Variants in TMEM106C observed in about 807,000 individuals in gnomAD.
TMEM106C encodes the protein endoplasmic reticulum membrane protein overexpressed in cancer.
Under a neutral mutation model 30.8 loss-of-function variants are expected in TMEM106C, and 27 were observed. The ratio of observed to expected loss-of-function variants is 0.88; its 90% confidence interval spans 0.65 to 1.21. TMEM106C has a LOEUF of 1.21. TMEM106C is among the 50% of genes most tolerant of loss of function. The pLI, the probability that TMEM106C is intolerant of heterozygous loss-of-function variation, is 0.00. For synonymous variants in TMEM106C, 123 were observed against 118.8 expected, an observed-to-expected ratio of 1.04 and a Z score of -0.23; for missense variants, 288 against 307.8, an observed-to-expected ratio of 0.94 and a Z score of 0.48.
chr12:47,966,443 A>G, intron 5 of TMEM106C: 1 of 704,888 alleles, frequency 1.4e-6, no homozygotes, highest in Non-Finnish European at 2.3e-6. Context: ...AATTTGTAAG[A>G]GACAAAGATT....
In TMEM106C at chr12:47,968,548, G is replaced by A. The variant is rs1365778342; in HGVS notation, c.*319G>A. ...AATGGAAATCATAACGTGGTTCTAG[G>A]TTATCAAACCATGGAGTGATGTGGA... On this transcript the variant is annotated 3_prime_UTR_variant, in exon 8 of 8. Coordinates refer to ENST00000429772, the MANE Select transcript of TMEM106C (RefSeq NM_001143842.2). 1 of 381,664 alleles carries A rather than the reference G, an allele frequency of 2.6e-6. No homozygotes were observed. The highest frequency in any genetic ancestry group is 5.1e-6 in the Non-Finnish European group (1 of 196,654). 23.6% of individuals were successfully genotyped at this position (381,664 alleles called of 1,614,324 possible). A position where few individuals can be genotyped will look rare whatever the true frequency, so the allele number is the denominator to read the frequency against.
Position 47,964,240 on chromosome 12 carries a change from G to A in TMEM106C, c.4G>A (p.Gly2Arg), listed in dbSNP as rs139679445. 5.0e-5 allele frequency: 81 copies of A among 1,612,466 alleles called. No individual in the cohort carries two copies. Among genetic ancestry groups the A allele is most frequent in the Non-Finnish European group, 6.7e-5 (79 of 1,179,216 alleles). Residue 2 changes from glycine to arginine, a missense_variant, in exon 2 of 8, where the codon GGG (glycine) becomes AGG (arginine). Transcript: ENST00000429772. Reference protein sequence around the residue: MGSQHSAAARPS... With the variant: MRSQHSAAARPS... Reference sequence around the variant, plus strand: ...ACACCAGTGGCATATCACGGCCATGGGGTCTCAGCATTCCGCTGCTGCTCG... The same window carrying A: ...ACACCAGTGGCATATCACGGCCATGAGGTCTCAGCATTCCGCTGCTGCTCG...
rs763866441 is a variant in TMEM106C at position 47,964,494 on chromosome 12, A to G, written c.187+71A>G. On this transcript the variant is annotated intron_variant, in intron 2 of 7. Coordinates refer to ENST00000429772, the MANE Select transcript of TMEM106C (RefSeq NM_001143842.2). ...TCGGAGTTCTCCTGTCTGCCCAGAC[A>G]ACTTTTCTTCTAGGCAGTAATACCA... is the stretch of plus-strand genomic sequence containing the variant. 5 of 1,506,066 alleles carry G rather than the reference A, an allele frequency of 3.3e-6. No homozygotes were observed. The East Asian group carries it at 6.9e-5, about 21-fold the overall frequency. The allele number at this position is 1,506,066 out of a possible 1,614,324, so 93.3% of individuals were successfully genotyped here. A position where few individuals can be genotyped will look rare whatever the true frequency, so the allele number is the denominator to read the frequency against.
Position 47,968,225 on chromosome 12 carries a change from T to C in TMEM106C, c.749T>C (p.Ile250Thr). ...YVDCGGNSTA[I>T] ...GATTGTGGAGGAAATTCCACAGCTA[T>C]TTAACAACTGCTATTGGTTCTTCCA... is the stretch of plus-strand genomic sequence containing the variant. The change falls in exon 8 of 8, where the codon ATT (isoleucine) becomes ACT (threonine). Residue 250 changes from isoleucine (I) to threonine (T), a missense_variant. Transcript: ENST00000429772. The C allele has an allele frequency of 6.2e-7, 1 of 1,610,906 alleles. No homozygotes were observed. The highest frequency in any genetic ancestry group is 8.5e-7 in the Non-Finnish European group (1 of 1,177,240).
intron 1 of TMEM106C, chr12:47,963,953 G>A: frequency 2.0e-6 from 1 of 488,200 alleles, no homozygotes; most frequent in Non-Finnish European, 3.7e-6. Flanking sequence ...GTCCCAGGGC[G>A]GTGAGGATCG....
Position 47,965,934 on chromosome 12 carries a change from C to T in TMEM106C, c.348C>T (p.Asp116=), listed in dbSNP as rs762050604. The part of the protein sequence containing the change: ...LFPHSVLVDD[D]GIKVVKVTFN... ...CGCATTCAGTCCTTGTGGATGATGACGGCATCAAAGTGGTGAAAGTCACAT... is the reference window on the plus strand; with the variant it reads ...CGCATTCAGTCCTTGTGGATGATGATGGCATCAAAGTGGTGAAAGTCACAT... Residue 116 remains aspartate, a synonymous_variant, in exon 4 of 8, where the codon GAC becomes GAT. Coordinates refer to ENST00000429772, the MANE Select transcript of TMEM106C (RefSeq NM_001143842.2). 15 of 1,614,096 alleles carry T rather than the reference C, an allele frequency of 9.3e-6. No homozygotes were observed. The highest frequency in any genetic ancestry group is 4.5e-5 in the East Asian group (2 of 44,900).
chr12:47,968,312 C>T lies in TMEM106C; in HGVS notation c.*83C>T, dbSNP rs1460355198. ...CAAGGCCTGAGTTCTGGACCTACCC[C>T]CACGTGGTGTAAGCAGAGGAGGAAT... On this transcript the variant is annotated 3_prime_UTR_variant, in exon 8 of 8. Transcript: ENST00000429772. 9.3e-7 allele frequency: 1 copy of T among 1,080,324 alleles called. No individual in the cohort carries two copies. The highest frequency in any genetic ancestry group is 2.4e-5 in the East Asian group (1 of 41,960). The allele number at this position is 1,080,324 out of a possible 1,614,324, so 66.9% of individuals were successfully genotyped here.
Position 47,968,245 on chromosome 12 carries a change from C to A in TMEM106C, c.*16C>A. On this transcript the variant is annotated 3_prime_UTR_variant, in exon 8 of 8. Coordinates refer to ENST00000429772, the MANE Select transcript of TMEM106C (RefSeq NM_001143842.2). ...AGCTATTTAACAACTGCTATTGGTT[C>A]TTCCACACAGCGCCTGTAGAAGAGA... 1 of 1,582,572 alleles carries A rather than the reference C, an allele frequency of 6.3e-7. No homozygotes were observed. The highest frequency in any genetic ancestry group is 8.7e-7 in the Non-Finnish European group (1 of 1,152,020).
chr12:47,966,427 C>T, intron 5 of TMEM106C, 198 bp downstream of exon 5: 1 of 718,866 alleles, frequency 1.4e-6, no homozygotes, highest in Non-Finnish European at 2.2e-6. Flanking sequence ...ATTTGGGGAG[C>T]AGAATAATTT....
chr12:47,965,724 C>T, intron 3 of TMEM106C, 114 bp from the exon 4 acceptor site: 1 of 1,340,394 alleles, frequency 7.5e-7, no homozygotes, highest in Non-Finnish European at 1.0e-6. Context: ...TGGTTCCTGG[C>T]TCTTGGAACT....
rs114850748 is a variant in TMEM106C, at chr12:47,965,910, G to A, written c.324G>A (p.Pro108=). 4.0e-4 allele frequency: 646 copies of A among 1,614,168 alleles called. 6 individuals are homozygous for A. The African/African-American group carries it at 7.1e-3, about 18-fold the overall frequency. The stretch of plus-strand genomic sequence containing the variant: ...GTTTGGTGGTTTTCTTCCTGTTTCC[G>A]CATTCAGTCCTTGTGGATGATGACG... ...ASGLVVFFLF[P]HSVLVDDDGI... is the part of the protein sequence containing the mutation. Residue 108 remains proline (P), a synonymous_variant, in exon 4 of 8, where the codon CCG becomes CCA. Transcript: ENST00000429772.
chr12:47,966,404 C>T, intron 5 of TMEM106C, 175 bp downstream of exon 5: 1 of 777,640 alleles, frequency 1.3e-6, no homozygotes, highest in Non-Finnish European at 2.0e-6. Flanking sequence ...GAAAAAACAG[C>T]TATCATTTAA....
intron 6 of TMEM106C, 55 bp downstream of exon 6, chr12:47,966,787 G>A (rs916170915): frequency 6.3e-7 from 1 of 1,595,500 alleles, no homozygotes. Context: ...GGGATTCAAA[G>A]TCATACTCCA....
At chr12:47,967,996 G>T in intron 7 of TMEM106C, 137 bp from the exon 8 acceptor site, 2 of 624,304 alleles carry the variant, frequency 3.2e-6, no homozygotes, top group Non-Finnish European at 5.7e-6. Flanking sequence ...TGGCCTCCTG[G>T]TTACATAACC....
In TMEM106C at chr12:47,968,117, G is replaced by T. The variant is rs763834664; in HGVS notation, c.657-16G>T. 10 of 1,602,632 alleles carry T rather than the reference G, an allele frequency of 6.2e-6. No homozygotes were observed. In the East Asian group the frequency reaches 2.0e-4, roughly 32 times the overall value. On this transcript the variant is annotated splice_polypyrimidine_tract_variant and intron_variant, in intron 7 of 7. Coordinates refer to ENST00000429772, the MANE Select transcript of TMEM106C (RefSeq NM_001143842.2). ...CCCCAAACATAATTAATTCTTCTTG[G>T]TTTTCTTTTCCCTAGAACTTCAGTG...
In TMEM106C at chr12:47,968,491, C is replaced by G; in HGVS notation, c.*262C>G. ...CAATAAAGATTTGCAGAATTTAATA[C>G]AGATCTTTTCAGCTGTTCTTAGGGC... On this transcript the variant is annotated 3_prime_UTR_variant, in exon 8 of 8. Coordinates refer to ENST00000429772, the MANE Select transcript of TMEM106C (RefSeq NM_001143842.2). 4.0e-6 allele frequency: 2 copies of G among 496,318 alleles called. No individual in the cohort carries two copies. Among genetic ancestry groups the G allele is most frequent in the Non-Finnish European group, 7.5e-6 (2 of 265,892 alleles). The allele number at this position is 496,318 out of a possible 1,614,324, so 30.7% of individuals were successfully genotyped here. A position where few individuals can be genotyped will look rare whatever the true frequency, so the allele number is the denominator to read the frequency against.
intron 1 of TMEM106C, 102 bp downstream of exon 1, chr12:47,963,806 G>C (rs887178974): frequency 1.3e-5 from 3 of 224,322 alleles, no homozygotes; most frequent in Non-Finnish European, 1.8e-5. Context: ...CTGGGGCTGG[G>C]GGGTGGAGAG....
At chr12:47,964,643 C>G in intron 2 of TMEM106C, 1 of 562,496 alleles carries the variant, frequency 1.8e-6, no homozygotes, top group Non-Finnish European at 3.2e-6. Context: ...CACTCTTGTT[C>G]TTTTCCTGAG....
chr12:47,965,843 A>C lies in TMEM106C; in HGVS notation c.257A>C (p.Gln86Pro), dbSNP rs1938199768. The C allele has an allele frequency of 6.2e-7, 1 of 1,614,092 alleles. No homozygotes were observed. Among genetic ancestry groups the C allele is most frequent in the African/African-American group, 1.3e-5 (1 of 74,934 alleles). Residue 86 changes from glutamine (Q) to proline (P), a missense_variant, in exon 4 of 8, where the codon CAA (glutamine) becomes CCA (proline). Transcript: ENST00000429772. The part of the protein sequence containing the change: ...DQRLRPQRTK[Q>P]YVLLSILLCL... ...ATGTGCTGTGTCATTTGCAGTAAGC[A>C]ATATGTCCTCCTGTCCATCCTGCTT...
Sources: gnomAD v4.1 joint callset for allele counts on GRCh38, gnomAD v4.1.1 for gene constraint, MANE v1.5 for transcripts, NCBI Gene and HGNC (gene_info 2026-07-23, HGNC 2026-07-21) for gene names.